PPHLN1: variants seen among roughly 807,000 people sequenced by gnomAD.
The protein encoded by PPHLN1 is periphilin-1.
In PPHLN1, 29 loss-of-function variants were observed where a neutral mutation model predicts 51.3. The ratio of observed to expected loss-of-function variants is 0.57; its 90% CI spans 0.42 to 0.77. PPHLN1 has a LOEUF of 0.77. Among genes scored for constraint, PPHLN1 ranks in the 30% least tolerant of loss-of-function variants. The pLI is 0.00. For missense variants in PPHLN1, 436 were observed against 438.4 expected (o/e 0.99, Z 0.05); for synonymous variants, 147 against 147.8 (o/e 0.99, Z 0.04).
chr12:42,412,997 T>A (rs1457821342), intron 9 of PPHLN1, among the ~76,000 whole-genome samples: 2 of 152,202 alleles, frequency 1.3e-5, no homozygotes, highest in African/African-American at 4.8e-5. Context: ...TGATTTGAGT[T>A]CCTCGTAGAT....
intron 9 of PPHLN1, among the ~76,000 whole-genome samples, chr12:42,403,884 G>C (rs1442820301): frequency 4.6e-5 from 7 of 152,120 alleles, no homozygotes; most frequent in Admixed American, 3.3e-4. Flanking sequence ...TTTACCTAGT[G>C]GTTCCAAATT....
At chr12:42,410,388 C>T (rs1164760050) in intron 9 of PPHLN1, among the ~76,000 whole-genome samples, 1 of 152,112 alleles carries the variant, frequency 6.6e-6, no homozygotes, top group Non-Finnish European at 1.5e-5. Flanking sequence ...GTTGCATAGT[C>T]AACTGTGTAC....
At chr12:42,418,084 C>A (rs943287717) in intron 9 of PPHLN1, among the ~76,000 whole-genome samples, 3 of 151,000 alleles carry the variant, frequency 2.0e-5, no homozygotes, top group African/African-American at 7.3e-5. Flanking sequence ...GGACTACAGG[C>A]CCCTGCCACC....
intron 9 of PPHLN1, among the ~76,000 whole-genome samples, chr12:42,421,160 A>G (rs11181497): frequency 0.075 from 11,358 of 152,266 alleles, 531 homozygotes; most frequent in Non-Finnish European, 0.1. Flanking sequence ...TTAAAAATCA[A>G]CTTTTTCTCA....
chr12:42,426,913 A>AGGG (rs1210492038), intron 9 of PPHLN1, among the ~76,000 whole-genome samples: 6 of 150,590 alleles, frequency 4.0e-5, no homozygotes, highest in Admixed American at 4.0e-4. Context: ...AAGGAAGTGG[A>AGGG]GGGGGTGGGT....
chr12:42,368,670 G>C (rs2075511801), intron 4 of PPHLN1, among the ~76,000 whole-genome samples: 1 of 152,162 alleles, frequency 6.6e-6, no homozygotes, highest in Non-Finnish European at 1.5e-5. Context: ...ATGTTTTGTA[G>C]TAGAATGGGA....
intron 9 of PPHLN1, among the ~76,000 whole-genome samples, chr12:42,427,032 G>T (rs564839040): frequency 6.6e-6 from 1 of 152,138 alleles, no homozygotes; most frequent in Non-Finnish European, 1.5e-5. Context: ...TCAAACCAAT[G>T]TAAGACTTTT....
At chr12:42,399,360 T>G in intron 9 of PPHLN1, 1 of 865,028 alleles carries the variant, frequency 1.2e-6, no homozygotes, top group Non-Finnish European at 1.4e-6. Flanking sequence ...TTCTTATGTT[T>G]TTTCATTATA....
chr12:42,427,892 C>T (rs202243176), intron 9 of PPHLN1, among the ~76,000 whole-genome samples: 5 of 151,904 alleles, frequency 3.3e-5, no homozygotes, highest in Admixed American at 2.0e-4. Context: ...GAATCTATAA[C>T]GAACTCAATC....
chr12:42,397,742 T>G (rs1173558831), intron 8 of PPHLN1, among the ~76,000 whole-genome samples: 2 of 151,754 alleles, frequency 1.3e-5, no homozygotes, highest in African/African-American at 4.8e-5. Context: ...AAAACTAGGT[T>G]TGTTTGTTTT....
chr12:42,441,321 C>G lies in PPHLN1; in HGVS notation c.916C>G (p.Arg306Gly). The stretch of plus-strand genomic sequence containing the variant: ...AATGTGTTTTACCTTTTAGGTTTAC[C>G]GACAAGACTGTGAAACTTTCGGGAT... ...SKTKEIEQVY[R>G]QDCETFGMVV... is the part of the protein sequence containing the mutation. Residue 306 changes from arginine to glycine, a missense_variant, in exon 10 of 10, where the codon CGA becomes GGA. Arg to Gly is a moderately radical substitution (Grantham distance 125). Coordinates refer to ENST00000358314, the MANE Select transcript of PPHLN1 (RefSeq NM_201439.2). The G allele has an allele frequency of 6.2e-7, 1 of 1,608,330 alleles. No homozygotes were observed. Among genetic ancestry groups the G allele is most frequent in the South Asian group, 1.1e-5 (1 of 90,186 alleles).
At chr12:42,332,747 T>G in intron 1 of PPHLN1, 2 of 1,194,242 alleles carry the variant, frequency 1.7e-6, no homozygotes, top group South Asian at 2.9e-5. Flanking sequence ...TATTGTTACA[T>G]TTTTTGTGGG....
chr12:42,441,944 C>T lies in PPHLN1; in HGVS notation c.*435C>T, dbSNP rs2083001919. ...GTGTACTATCCTAATAAACTGAATA[C>T]TTTGGTATCTTAGAGAATATTTGCT... On this transcript the variant is annotated 3_prime_UTR_variant, in exon 10 of 10. Transcript: ENST00000358314. The T allele has an allele frequency of 1.0e-6, 1 of 962,998 alleles. No individual in the cohort carries two copies. Among genetic ancestry groups the T allele is most frequent in the African/African-American group, 1.8e-5 (1 of 56,700 alleles). 59.7% of individuals were successfully genotyped at this position (962,998 alleles called of 1,614,324 possible). A position where few individuals can be genotyped will look rare whatever the true frequency, so the allele number is the denominator to read the frequency against.
At chr12:42,348,117 A>AT (rs1353260623) in intron 2 of PPHLN1, among the ~76,000 whole-genome samples, 1 of 150,564 alleles carries the variant, frequency 6.6e-6, no homozygotes, top group Non-Finnish European at 1.5e-5. Flanking sequence ...TTTTTATTTT[A>AT]TTTATTTTTT....
intron 1 of PPHLN1, among the ~76,000 whole-genome samples, chr12:42,330,305 A>T (rs887444599): frequency 6.6e-6 from 1 of 152,144 alleles, no homozygotes; most frequent in Non-Finnish European, 1.5e-5. Context: ...TCTTACCTCA[A>T]CCGCAAGAGG....
chr12:42,337,094 GT>G (rs1565741964), intron 2 of PPHLN1, among the ~76,000 whole-genome samples: 1 of 152,030 alleles, frequency 6.6e-6, no homozygotes, highest in African/African-American at 2.4e-5. Flanking sequence ...TAGACTTCAT[GT>G]TTTCAATCAA....
intron 4 of PPHLN1, among the ~76,000 whole-genome samples, chr12:42,366,676 ACCGTGCC>A (rs1466732786): frequency 1.3e-5 from 2 of 152,200 alleles, no homozygotes; most frequent in East Asian, 3.9e-4. Context: ...GGCCTGAGCC[ACCGTGCC>A]CCAGTGAGTT....
chr12:42,433,024 A>G (rs564779550), intron 9 of PPHLN1: 74 of 1,068,670 alleles, frequency 6.9e-5, no homozygotes, highest in Non-Finnish European at 1.0e-4. Context: ...CCTCTCTCAT[A>G]TCCTCAGGAA....
chr12:42,417,437 A>G (rs11829039), intron 9 of PPHLN1, among the ~76,000 whole-genome samples: 3,099 of 152,256 alleles, frequency 0.02, 98 homozygotes, highest in African/African-American at 0.071. Context: ...GGGGAGTCCT[A>G]TCAGCAGTTG....
Sources: allele counts gnomAD v4.1 joint callset (sites outside exome capture counted in the v4.1 genomes callset), GRCh38; gene constraint gnomAD v4.1.1; transcripts MANE v1.5; gene names NCBI Gene and HGNC (gene_info 2026-07-23, HGNC 2026-07-21).